APBB1IP: variants seen among roughly 807,000 people sequenced by gnomAD.
APBB1IP encodes amyloid beta A4 precursor protein-binding family B member 1-interacting protein.
APBB1IP carries 27 observed loss-of-function variants against 64.9 expected under a neutral mutation model. That is an observed-to-expected ratio of 0.42 (90% CI 0.31 to 0.57). The LOEUF is 0.57. Ranked by LOEUF, APBB1IP falls within the 20% of genes least tolerant of loss-of-function variation. The probability of loss-of-function intolerance (pLI) is 0.20; values close to 1 mark genes in which losing one functional copy is unlikely to be tolerated. For synonymous variants in APBB1IP, 392 were observed against 331.0 expected, an observed-to-expected ratio of 1.18 and a Z score of -2.00; for missense variants, 812 against 845.5, an observed-to-expected ratio of 0.96 and a Z score of 0.49.
At chr10:26,522,826 C>T (rs909588000) in intron 8 of APBB1IP, among the ~76,000 whole-genome samples, 4 of 151,762 alleles carry the variant, frequency 2.6e-5, no homozygotes, top group African/African-American at 9.7e-5. Flanking sequence ...ATGATGAAAC[C>T]TTGTCTCTAC....
chr10:26,500,516 T>C (rs1017398872), intron 4 of APBB1IP, among the ~76,000 whole-genome samples: 1 of 152,204 alleles, frequency 6.6e-6, no homozygotes, highest in Non-Finnish European at 1.5e-5. Context: ...TCTATTCGTG[T>C]GCTTGGATTT....
intron 2 of APBB1IP, among the ~76,000 whole-genome samples, chr10:26,477,906 G>A (rs983035994): frequency 7.2e-5 from 11 of 152,130 alleles, no homozygotes; most frequent in Admixed American, 4.6e-4. Flanking sequence ...AAAATTTTTT[G>A]TAGAGACGGG....
At chr10:26,497,421 G>A (rs1836039624) in intron 4 of APBB1IP, among the ~76,000 whole-genome samples, 1 of 150,924 alleles carries the variant, frequency 6.6e-6, no homozygotes, top group South Asian at 2.1e-4. Context: ...TGTGGTGGCA[G>A]GTGCCTGTAG....
intron 2 of APBB1IP, among the ~76,000 whole-genome samples, chr10:26,480,703 G>A (rs2244955): frequency 0.063 from 8,667 of 136,910 alleles, 849 homozygotes; most frequent in African/African-American, 0.22. Context: ...CTGGGCTCAA[G>A]TGATCTGCCT....
intron 14 of APBB1IP, among the ~76,000 whole-genome samples, chr10:26,565,248 G>A (rs1837027114): frequency 6.6e-6 from 1 of 152,186 alleles, no homozygotes; most frequent in African/African-American, 2.4e-5. Context: ...TGTGTTGTGT[G>A]GAATAGGAGC....
chr10:26,457,093 C>T (rs1246358857), intron 2 of APBB1IP, among the ~76,000 whole-genome samples: 1 of 152,144 alleles, frequency 6.6e-6, no homozygotes, highest in African/African-American at 2.4e-5. Context: ...GGGATACTAT[C>T]TGAAAAGAGG....
In APBB1IP at chr10:26,541,568, T is replaced by TC; in HGVS notation, c.1045-11dup. ...CATCTCAGTTGAAGTTTTATTTTTT[T>TC]CCCTGTCTTTCAGACATCTCGAGAT... On this transcript the variant is annotated splice_polypyrimidine_tract_variant and intron_variant, in intron 10 of 14. Transcript: ENST00000376236. 1 of 1,577,604 alleles carries TC rather than the reference T, an allele frequency of 6.3e-7. No individual in the cohort carries two copies. The highest frequency in any genetic ancestry group is 8.7e-7 in the Non-Finnish European group (1 of 1,150,266).
intron 2 of APBB1IP, among the ~76,000 whole-genome samples, chr10:26,443,447 C>CAAAA (rs71281576): frequency 7.3e-6 from 1 of 137,612 alleles, no homozygotes. Flanking sequence ...AACTCCATCT[C>CAAAA]AAAAAAAAAA....
At position 26,560,758 on chromosome 10, in the gene APBB1IP, A is replaced by G. The variant is rs1183750838; in HGVS notation, c.1283A>G (p.Gln428Arg). The G allele has an allele frequency of 1.9e-6, 3 of 1,603,168 alleles. No individual in the cohort carries two copies. Among genetic ancestry groups the G allele is most frequent in the Non-Finnish European group, 2.6e-6 (3 of 1,174,208 alleles). ...KYGKTLYDNY[Q>R]RAVAKAGLAS... Reference sequence around the variant, plus strand: ...GGGAAGACTCTCTATGATAACTACCAGCGGGCTGTGGCAAAGGCTGGACTT... The same window carrying G: ...GGGAAGACTCTCTATGATAACTACCGGCGGGCTGTGGCAAAGGCTGGACTT... The change falls in exon 13 of 15, where the codon CAG becomes CGG. Residue 428 changes from glutamine to arginine, a missense_variant. Around this residue, in one of 3 missense-constraint regions of APBB1IP, gnomAD observed 381 missense variants for 352.1 expected, o/e 1.08. Transcript: ENST00000376236.
Position 26,488,347 on chromosome 10 carries a change from C to T in APBB1IP, c.1-3980C>T, listed in dbSNP as rs180783557. Among the ~76,000 whole-genome samples, 171 of 152,084 alleles carry T rather than the reference C, an allele frequency of 1.1e-3. 1 individual carries two copies. In the East Asian group the frequency reaches 0.026, roughly 23 times the overall value. On this transcript the variant is annotated intron_variant, in intron 2 of 14. Coordinates refer to ENST00000376236, the MANE Select transcript of APBB1IP (RefSeq NM_019043.4). ...ACCTCCTGGGCTCAAGCCATCATCC[C>T]GTCTCAGCCTCCCAAGTATGTGGGA...
At chr10:26,527,755 C>A (rs147458377) in intron 8 of APBB1IP, among the ~76,000 whole-genome samples, 1 of 144,454 alleles carries the variant, frequency 6.9e-6, no homozygotes, top group Non-Finnish European at 1.5e-5. Flanking sequence ...TGCAATGGCA[C>A]GATCTCGGCT....
intron 2 of APBB1IP, among the ~76,000 whole-genome samples, chr10:26,451,376 A>G (rs1835464130): frequency 6.6e-6 from 1 of 152,212 alleles, no homozygotes; most frequent in African/African-American, 2.4e-5. Context: ...GGCCTGAGCC[A>G]CTGCGCCCAG....
chr10:26,482,200 G>A (rs2132423045), intron 2 of APBB1IP, among the ~76,000 whole-genome samples: 1 of 152,294 alleles, frequency 6.6e-6, no homozygotes, highest in African/African-American at 2.4e-5. Flanking sequence ...CAGGGGTACA[G>A]TGCAAAGTTG....
chr10:26,561,761 G>GA (rs1258171019), intron 13 of APBB1IP, among the ~76,000 whole-genome samples: 5 of 152,054 alleles, frequency 3.3e-5, no homozygotes, highest in African/African-American at 1.2e-4. Context: ...CTTTTGGGGG[G>GA]AAAAACCACA....
intron 2 of APBB1IP, among the ~76,000 whole-genome samples, chr10:26,474,200 T>A (rs561184318): frequency 6.6e-6 from 1 of 152,224 alleles, no homozygotes; most frequent in South Asian, 2.1e-4. Context: ...GTGTATGAAG[T>A]GGTGGTTTCA....
intron 2 of APBB1IP, among the ~76,000 whole-genome samples, chr10:26,441,613 T>G (rs1232553552): frequency 6.6e-6 from 1 of 152,084 alleles, no homozygotes; most frequent in Admixed American, 6.6e-5. Context: ...CATGGAAATA[T>G]CACAAGCCCC....
rs992729738 is a variant in APBB1IP at position 26,492,491 on chromosome 10, C to A, written c.72+93C>A. 3.4e-6 allele frequency: 4 copies of A among 1,193,470 alleles called. No individual in the cohort carries two copies. The African/African-American group carries it at 6.1e-5, about 18-fold the overall frequency. The allele number at this position is 1,193,470 out of a possible 1,614,324, so 73.9% of individuals were successfully genotyped here. A position where few individuals can be genotyped will look rare whatever the true frequency, so the allele number is the denominator to read the frequency against. On this transcript the variant is annotated intron_variant, in intron 3 of 14. Coordinates refer to ENST00000376236, the MANE Select transcript of APBB1IP (RefSeq NM_019043.4). The stretch of plus-strand genomic sequence containing the variant: ...GACAAGGGAGCTGTCTTTTTTAAAA[C>A]CCTGATATCGGGGGAACCAGCCCCC...
Position 26,560,128 on chromosome 10 carries a change from C to T in APBB1IP, c.1179C>T (p.Ser393=). The T allele has an allele frequency of 6.2e-7, 1 of 1,614,036 alleles. No homozygotes were observed. Among genetic ancestry groups the T allele is most frequent in the East Asian group, 2.2e-5 (1 of 44,882 alleles). ...AGCACCCCCAAATTCAGAAGGAGTC[C>T]CAGTATATCAAGTATCTCTGCTGTG... The part of the protein sequence containing the change: ...VLKHPQIQKE[S]QYIKYLCCDD... The change falls in exon 12 of 15, where the codon TCC becomes TCT. Residue 393 remains serine (S), a synonymous_variant. Transcript: ENST00000376236.
rs1231171146 is a variant in APBB1IP, at chr10:26,488,240, A to AT, written c.1-4087_1-4086insT. On this transcript the variant is annotated intron_variant, in intron 2 of 14. Coordinates refer to ENST00000376236, the MANE Select transcript of APBB1IP (RefSeq NM_019043.4). ...TAAATACTTTCTGCCATTTTGTAGG[A>AT]ATTTTTTTTTTTTTTGAGAGAGTCT... 5.9e-4 allele frequency among the ~76,000 whole-genome samples: 81 copies of AT among 136,282 alleles called. No homozygotes were observed. In the Middle Eastern group the frequency reaches 0.011, roughly 18 times the overall value. The allele number at this position is 136,282 out of a possible 152,430, so 89.4% of individuals were successfully genotyped here.
Sources: gnomAD v4.1 joint callset for allele counts (sites outside exome capture counted in the v4.1 genomes callset) on GRCh38, gnomAD v4.1.1 for gene constraint, gnomAD v4.1.1 regional missense constraint, MANE v1.5 for transcripts, NCBI Gene and HGNC (gene_info 2026-07-23, HGNC 2026-07-21) for gene names.